PRKAG2: variants seen among roughly 807,000 people sequenced by gnomAD.
The protein encoded by PRKAG2 is 5'-AMP-activated protein kinase subunit gamma-2.
A neutral mutation model predicts 69.6 loss-of-function variants in PRKAG2; 26 were observed. That is an observed-to-expected ratio of 0.37 (90% confidence interval 0.27 to 0.52). The LOEUF (loss-of-function observed/expected upper bound fraction) is 0.52, where lower values mean the gene tolerates loss of function less well. PRKAG2 is among the 20% of genes least tolerant of loss of function. The pLI is 0.90. For synonymous variants in PRKAG2, 293 were observed against 285.0 expected, an observed-to-expected ratio of 1.03 and a Z score of -0.28; for missense variants, 557 against 740.0, an observed-to-expected ratio of 0.75 and a Z score of 2.87.
At chr7:151,776,966 G>A (rs1453684662) in intron 3 of PRKAG2, among the ~76,000 whole-genome samples, 1 of 152,152 alleles carries the variant, frequency 6.6e-6, no homozygotes, top group African/African-American at 2.4e-5. Context: ...TTGGGTGCTG[G>A]ACACTGCCGG....
intron 3 of PRKAG2, among the ~76,000 whole-genome samples, chr7:151,678,416 T>C (rs373815563): frequency 8.1e-4 from 123 of 152,272 alleles, no homozygotes; most frequent in African/African-American, 2.7e-3. Flanking sequence ...AGGGTGAATC[T>C]GTTCCTCTCT....
chr7:151,578,931 C>G (rs372445129), intron 6 of PRKAG2, among the ~76,000 whole-genome samples: 1 of 152,170 alleles, frequency 6.6e-6, no homozygotes, highest in Non-Finnish European at 1.5e-5. Context: ...TTAAAACACA[C>G]TGAATATCTG....
chr7:151,854,998 TGCTCCACACACACCAC>T (rs1563756394), intron 1 of PRKAG2, among the ~76,000 whole-genome samples: 7 of 7,614 alleles, frequency 9.2e-4, no homozygotes, highest in African/African-American at 3.4e-3. Flanking sequence ...ACACACACCA[TGCTCCACACACACCAC>T]CCTCCACACA....
At chr7:151,730,871 T>G (rs569002651) in intron 3 of PRKAG2, among the ~76,000 whole-genome samples, 19 of 152,254 alleles carry the variant, frequency 1.2e-4, no homozygotes, top group Admixed American at 4.6e-4. Context: ...TGCGTAGTCA[T>G]GCGGTGTGGG....
At chr7:151,736,307 C>T (rs1586176106) in intron 3 of PRKAG2, 1 of 1,197,514 alleles carries the variant, frequency 8.4e-7, no homozygotes, top group Non-Finnish European at 1.0e-6. Flanking sequence ...CAAGAAGCTG[C>T]CGGAAGCGCA....
At chr7:151,637,234 A>T (rs904346466) in intron 4 of PRKAG2, among the ~76,000 whole-genome samples, 2 of 150,900 alleles carry the variant, frequency 1.3e-5, no homozygotes, top group African/African-American at 5.0e-5. Context: ...TTTAATTTTT[A>T]AAAAAAGTTT....
chr7:151,786,917 G>C (rs934139643), intron 1 of PRKAG2, among the ~76,000 whole-genome samples: 2 of 152,230 alleles, frequency 1.3e-5, no homozygotes, highest in Non-Finnish European at 2.9e-5. Flanking sequence ...CATGGGTCCA[G>C]GGACATGTGT....
chr7:151,672,375 G>A (rs1226099858), intron 4 of PRKAG2, among the ~76,000 whole-genome samples: 2 of 152,180 alleles, frequency 1.3e-5, no homozygotes, highest in African/African-American at 2.4e-5. Flanking sequence ...GATTACAGGC[G>A]TGAGCCACTG....
chr7:151,819,809 AAAG>A (rs2078726760), intron 1 of PRKAG2, among the ~76,000 whole-genome samples: 1 of 152,186 alleles, frequency 6.6e-6, no homozygotes, highest in Non-Finnish European at 1.5e-5. Flanking sequence ...CCCTCTGTCC[AAAG>A]AAGTGCCGTG....
At chr7:151,627,424 G>A (rs1024712080) in intron 5 of PRKAG2, among the ~76,000 whole-genome samples, 31 of 152,028 alleles carry the variant, frequency 2.0e-4, no homozygotes, top group African/African-American at 7.2e-4. Flanking sequence ...CCAGGAGTTC[G>A]AGACCAGCCT....
At chr7:151,646,370 T>C (rs1462533732) in intron 4 of PRKAG2, among the ~76,000 whole-genome samples, 1 of 152,230 alleles carries the variant, frequency 6.6e-6, no homozygotes, top group Non-Finnish European at 1.5e-5. Context: ...TCTTTTGTAG[T>C]TTTCACCATG....
intron 13 of PRKAG2, among the ~76,000 whole-genome samples, 193 bp downstream of exon 13, chr7:151,565,153 T>C (rs1805951526): frequency 6.6e-6 from 1 of 152,224 alleles, no homozygotes; most frequent in South Asian, 2.1e-4. Flanking sequence ...TACTAATATA[T>C]AATTGGTTGC....
At chr7:151,791,082 C>T (rs763299975) in intron 1 of PRKAG2, among the ~76,000 whole-genome samples, 16 of 152,206 alleles carry the variant, frequency 1.1e-4, no homozygotes, top group Non-Finnish European at 2.2e-4. Context: ...TGTGTGCCTG[C>T]CTGGTCATGC....
intron 15 of PRKAG2, chr7:151,559,170 T>C: frequency 1.0e-6 from 1 of 983,048 alleles, no homozygotes; most frequent in Non-Finnish European, 1.2e-6. Flanking sequence ...TGGATGAGCC[T>C]GGCTCCCTCT....
At chr7:151,710,565 C>T (rs961748053) in intron 3 of PRKAG2, among the ~76,000 whole-genome samples, 2 of 152,230 alleles carry the variant, frequency 1.3e-5, no homozygotes, top group Admixed American at 6.5e-5. Context: ...CTCCCCTCCC[C>T]GGGAGCCCTG....
At chr7:151,694,569 T>C (rs888251569) in intron 3 of PRKAG2, among the ~76,000 whole-genome samples, 2 of 152,188 alleles carry the variant, frequency 1.3e-5, no homozygotes, top group African/African-American at 2.4e-5. Flanking sequence ...ATGACTGCGT[T>C]CTCTCACTCA....
intron 7 of PRKAG2, among the ~76,000 whole-genome samples, chr7:151,575,438 TC>T (rs893822213): frequency 7.2e-5 from 11 of 152,144 alleles, no homozygotes; most frequent in Admixed American, 5.9e-4. Context: ...ATGAACTTCT[TC>T]CCTGATGAAA....
In PRKAG2 at chr7:151,646,926, A is replaced by G. The variant is rs558554268; in HGVS notation, c.685-14788T>C. ...GGGTACTCATGGCTGCCTACTTGGC[A>G]TCCATTCCTCTTCCTCTACCTTCCT... On this transcript the variant is annotated intron_variant, in intron 4 of 15. Transcript: ENST00000287878. Among the ~76,000 whole-genome samples, 16 of 152,324 alleles carry G rather than the reference A, an allele frequency of 1.1e-4. No individual in the cohort carries two copies. In the East Asian group the frequency reaches 2.9e-3, roughly 28 times the overall value.
chr7:151,684,338 A>G (rs1374130662), intron 3 of PRKAG2, among the ~76,000 whole-genome samples: 4 of 152,150 alleles, frequency 2.6e-5, no homozygotes, highest in Non-Finnish European at 5.9e-5. Flanking sequence ...CTCCCAAACC[A>G]GGATAAGGAC....
Sources: gnomAD v4.1 joint callset for allele counts (sites outside exome capture counted in the v4.1 genomes callset) on GRCh38, gnomAD v4.1.1 for gene constraint, MANE v1.5 for transcripts, NCBI Gene and HGNC (gene_info 2026-07-23, HGNC 2026-07-21) for gene names.